The following MYRF variants were observed in gnomAD, a reference collection of about 807,000 sequenced individuals.
MYRF encodes the protein myelin gene regulatory factor.
A neutral mutation model predicts 126.3 loss-of-function variants in MYRF; 16 were observed. The observed-to-expected ratio is 0.13, with a 90% CI of 0.09 to 0.19. MYRF has a LOEUF of 0.19. MYRF is among the 10% of genes least tolerant of loss of function. MYRF has a pLI of 1.00. For missense variants in MYRF, 1,104 were observed against 1,547.0 expected (o/e 0.71, Z 4.80); for synonymous variants, 608 against 635.3 (o/e 0.96, Z 0.65).
intron 25 of MYRF, 107 bp from the exon 26 acceptor site, chr11:61,785,693 C>T: frequency 7.0e-6 from 6 of 859,724 alleles, no homozygotes; most frequent in Admixed American, 2.3e-5. Context: ...TGCTTTTTTC[C>T]TTCATAAAAC....
In MYRF at chr11:61,752,804, G is replaced by A. The variant is rs1403657539; in HGVS notation, c.46+14G>A. ...GCTTCTTCGAAGGTGAGAGACCGCGGGCTGGCGGCGGCGACCCTCTGGCGC... is the reference window on the plus strand; with the variant it reads ...GCTTCTTCGAAGGTGAGAGACCGCGAGCTGGCGGCGGCGACCCTCTGGCGC... On this transcript the variant is annotated intron_variant, in intron 1 of 26. Coordinates refer to ENST00000278836, the MANE Select transcript of MYRF (RefSeq NM_001127392.3). 2.7e-6 allele frequency: 4 copies of A among 1,485,448 alleles called. No homozygotes were observed. Among genetic ancestry groups the A allele is most frequent in the East Asian group, 5.9e-5 (2 of 34,064 alleles). The allele number at this position is 1,485,448 out of a possible 1,614,324, so 92.0% of individuals were successfully genotyped here. A position where few individuals can be genotyped will look rare whatever the true frequency, so the allele number is the denominator to read the frequency against.
In MYRF at chr11:61,777,656, CT is replaced by C; in HGVS notation, c.1792-77del. 1 of 1,430,188 alleles carries C rather than the reference CT, an allele frequency of 7.0e-7. No individual in the cohort carries two copies. The highest frequency in any genetic ancestry group is 1.3e-5 in the South Asian group (1 of 79,394). 88.6% of individuals were successfully genotyped at this position (1,430,188 alleles called of 1,614,324 possible). ...TCCTCTCCACACTGCAGCCTCCAGG[CT>C]GCCGCCCTCCTGGGCTCCGGGGCCT... is the stretch of plus-strand genomic sequence containing the variant. On this transcript the variant is annotated intron_variant, in intron 12 of 26. Transcript: ENST00000278836. This position sits in a 1 kb window ranked among gnomAD's most constrained non-coding sequence, Gnocchi z 8.8.
In MYRF at chr11:61,783,791, T is replaced by TGGTGGG; in HGVS notation, c.3120-51_3120-46dup. On this transcript the variant is annotated intron_variant, in intron 23 of 26. Coordinates refer to ENST00000278836, the MANE Select transcript of MYRF (RefSeq NM_001127392.3). The surrounding 1 kb of genome is among the most constrained non-coding windows in gnomAD (Gnocchi z 4.6). ...TACAGATTGGGGGCTGAGGAGTCCCTGGTGGGGGTGGGGGGTGGCAGGGTA... is the reference window on the plus strand; with the variant it reads ...TACAGATTGGGGGCTGAGGAGTCCCTGGTGGGGGTGGGGGTGGGGGGTGGCAGGGTA... 3 of 1,519,588 alleles carry TGGTGGG rather than the reference T, an allele frequency of 2.0e-6. No homozygotes were observed. Among genetic ancestry groups the TGGTGGG allele is most frequent in the South Asian group, 2.4e-5 (2 of 84,520 alleles). 94.1% of individuals were successfully genotyped at this position (1,519,588 alleles called of 1,614,324 possible).
chr11:61,783,462 G>A lies in MYRF; in HGVS notation c.3017-36G>A. On this transcript the variant is annotated intron_variant, in intron 22 of 26. Coordinates refer to ENST00000278836, the MANE Select transcript of MYRF (RefSeq NM_001127392.3). The surrounding 1 kb of genome is among the most constrained non-coding windows in gnomAD (Gnocchi z 4.6). The stretch of plus-strand genomic sequence containing the variant: ...GGAAAGACTTGCCAGCTTCTCATTT[G>A]TGTCCTGCCTTGTCACCTTACTCCT... 6.5e-7 allele frequency: 1 copy of A among 1,532,358 alleles called. No individual in the cohort carries two copies. Among genetic ancestry groups the A allele is most frequent in the Non-Finnish European group, 9.0e-7 (1 of 1,108,714 alleles). 94.9% of individuals were successfully genotyped at this position (1,532,358 alleles called of 1,614,324 possible).
intron 1 of MYRF, among the ~76,000 whole-genome samples, chr11:61,765,222 G>A (rs181733031): frequency 2.4e-4 from 37 of 152,318 alleles, no homozygotes; most frequent in African/African-American, 6.7e-4. Context: ...CGGGGCTCTC[G>A]ACTCAGTAAG....
Position 61,770,460 on chromosome 11 carries a change from C to A in MYRF, c.675C>A (p.Pro225=). The change falls in exon 5 of 27, where the codon CCC becomes CCA. Residue 225 remains proline (P), a synonymous_variant. Transcript: ENST00000278836. ...HYAAMGQGLV[P]TDLHHTQQSQ... is the part of the protein sequence containing the mutation. ...CTGCCATGGGGCAGGGGCTGGTGCCCACTGATCTTCACCACACCCAGCAGT... is the reference window on the plus strand; with the variant it reads ...CTGCCATGGGGCAGGGGCTGGTGCCAACTGATCTTCACCACACCCAGCAGT... The A allele has an allele frequency of 6.4e-7, 1 of 1,561,736 alleles. No homozygotes were observed. The highest frequency in any genetic ancestry group is 1.2e-5 in the South Asian group (1 of 84,832).
intron 1 of MYRF, among the ~76,000 whole-genome samples, chr11:61,758,693 C>T (rs992807026): frequency 2.6e-5 from 4 of 152,180 alleles, no homozygotes; most frequent in Admixed American, 6.5e-5. Context: ...GCTTTTGCAC[C>T]GGCTGTCCCC....
rs1290193730 is a variant in MYRF, at chr11:61,777,803, T to A, written c.1861T>A (p.Phe621Ile). Residue 621 changes from phenylalanine (F) to isoleucine (I), a missense_variant, in exon 13 of 27, where the codon TTC becomes ATC. Physicochemically the swap from Phe to Ile is conservative, Grantham distance 21 (BLOSUM62 0). Around this residue, in one of 10 missense-constraint regions of MYRF, gnomAD observed 123 missense variants for 209.1 expected, o/e 0.59. Transcript: ENST00000278836. This position sits in a 1 kb window ranked among gnomAD's most constrained non-coding sequence, Gnocchi z 8.8. ...RLVHYRYKPE[F>I]AASAGIEATA... ...GGTGCACTACAGATACAAGCCCGAGTTCGCCGCCAGCGCGGGCATCGAGGC... is the reference window on the plus strand; with the variant it reads ...GGTGCACTACAGATACAAGCCCGAGATCGCCGCCAGCGCGGGCATCGAGGC... 6.4e-7 allele frequency: 1 copy of A among 1,552,122 alleles called. No individual in the cohort carries two copies. The highest frequency in any genetic ancestry group is 1.4e-5 in the African/African-American group (1 of 72,934).
intron 1 of MYRF, among the ~76,000 whole-genome samples, chr11:61,762,691 C>G (rs919908383): frequency 6.6e-6 from 1 of 152,146 alleles, no homozygotes; most frequent in Admixed American, 6.5e-5. Context: ...GGTTCACGGG[C>G]GGGCTGGGGG....
At chr11:61,775,299 A>AG (rs1204629457) in intron 8 of MYRF, among the ~76,000 whole-genome samples, 5 of 152,002 alleles carry the variant, frequency 3.3e-5, no homozygotes, top group African/African-American at 1.2e-4. Flanking sequence ...CCTCCGCTCC[A>AG]GCTCTGCCAC....
Position 61,752,718 on chromosome 11 carries a change from C to A in MYRF, c.-27C>A. 1.4e-6 allele frequency: 2 copies of A among 1,429,222 alleles called. No homozygotes were observed. The highest frequency in any genetic ancestry group is 1.8e-6 in the Non-Finnish European group (2 of 1,096,230). The allele number at this position is 1,429,222 out of a possible 1,614,324, so 88.5% of individuals were successfully genotyped here. ...GGGCCGGGCTGTAGCGGGGCCGCGG[C>A]TGGAGTGTGCGCCGGGCAGGCGGGA... On this transcript the variant is annotated 5_prime_UTR_variant, in exon 1 of 27. The change creates a new upstream start codon in the 5' untranslated region. Coordinates refer to ENST00000278836, the MANE Select transcript of MYRF (RefSeq NM_001127392.3).
intron 3 of MYRF, chr11:61,766,827 A>G: frequency 2.9e-6 from 1 of 349,706 alleles, no homozygotes; most frequent in South Asian, 2.2e-5. Context: ...CCCGGGGCAC[A>G]TGCTCACAGC....
At chr11:61,769,348 G>A (rs1591099958) in intron 4 of MYRF, 27 bp downstream of exon 4, 1 of 1,593,940 alleles carries the variant, frequency 6.3e-7, no homozygotes, top group Non-Finnish European at 8.6e-7. Context: ...CCGCCCTCCT[G>A]CTCCAGGGTT....
intron 1 of MYRF, among the ~76,000 whole-genome samples, chr11:61,755,853 G>A (rs1275015289): frequency 3.3e-5 from 5 of 152,156 alleles, no homozygotes; most frequent in African/African-American, 4.8e-5. Flanking sequence ...GAGGGAAGTC[G>A]CCTTCCAGCA....
intron 22 of MYRF, 65 bp downstream of exon 22, chr11:61,781,889 T>G: frequency 1.4e-6 from 2 of 1,461,422 alleles, no homozygotes; most frequent in Non-Finnish European, 1.8e-6. Flanking sequence ...AGGGCCCACC[T>G]CAGCCCAGTC....
At chr11:61,756,062 T>G (rs2065743078) in intron 1 of MYRF, among the ~76,000 whole-genome samples, 1 of 152,192 alleles carries the variant, frequency 6.6e-6, no homozygotes, top group Non-Finnish European at 1.5e-5. Context: ...CCAATGTGAT[T>G]TTTTAACCAT....
chr11:61,783,040 TTCAGGGAGGCTGC>T lies in MYRF; in HGVS notation c.3017-457_3017-445del, dbSNP rs1248100236. ...AGCCAGCCAGCCTGCAGTCGGTTTG[TTCAGGGAGGCTGC>T]GAGGAGCAGCGTGCTGGTAGCGGTG... On this transcript the variant is annotated intron_variant, in intron 22 of 26. Coordinates refer to ENST00000278836, the MANE Select transcript of MYRF (RefSeq NM_001127392.3). This position sits in a 1 kb window ranked among gnomAD's most constrained non-coding sequence, Gnocchi z 4.6. 6 of 158,324 alleles carry T rather than the reference TTCAGGGAGGCTGC, an allele frequency of 3.8e-5. No homozygotes were observed. The highest frequency in any genetic ancestry group is 1.4e-4 in the African/African-American group (6 of 41,616). 9.8% of individuals were successfully genotyped at this position (158,324 alleles called of 1,614,324 possible).
At chr11:61,772,696 T>C (rs1220256881) in intron 7 of MYRF, among the ~76,000 whole-genome samples, 3 of 152,310 alleles carry the variant, frequency 2.0e-5, no homozygotes, top group African/African-American at 7.2e-5. Context: ...CTTACTGCCA[T>C]ACTCTTTGGG....
chr11:61,766,921 T>G (rs974613851), intron 3 of MYRF: 6 of 431,892 alleles, frequency 1.4e-5, no homozygotes, highest in African/African-American at 1.2e-4. Context: ...ATTAAAACAC[T>G]AGGTGCATGA....
Sources: gnomAD v4.1 joint callset for allele counts (sites outside exome capture counted in the v4.1 genomes callset) on GRCh38, gnomAD v4.1.1 for gene constraint, gnomAD v4.1.1 regional missense constraint, Gnocchi (gnomAD v3.1) non-coding constraint, MANE v1.5 for transcripts, NCBI Gene and HGNC (gene_info 2026-07-23, HGNC 2026-07-21) for gene names.